SEL1L3: variants seen among roughly 807,000 people sequenced by gnomAD.
The protein encoded by SEL1L3 is protein sel-1 homolog 3.
In SEL1L3, 76 loss-of-function variants were observed where a neutral mutation model predicts 142.8. That is an observed-to-expected ratio of 0.53 (90% CI 0.44 to 0.64). The LOEUF (loss-of-function observed/expected upper bound fraction) is 0.64. SEL1L3 is among the 30% of genes least tolerant of loss of function. SEL1L3 has a pLI of 0.00. For missense variants in SEL1L3, 1,262 were observed against 1,381.7 expected, an observed-to-expected ratio of 0.91 and a Z score of 1.37; for synonymous variants, 504 against 519.6, an observed-to-expected ratio of 0.97 and a Z score of 0.41.
chr4:25,827,520 G>A (rs1715172390), intron 6 of SEL1L3, among the ~76,000 whole-genome samples: 2 of 152,120 alleles, frequency 1.3e-5, no homozygotes, highest in Non-Finnish European at 2.9e-5. Context: ...CTGTGATCTT[G>A]GACCTCTGCC....
chr4:25,726,229 A>T, the SEL1L3 span, among the ~76,000 whole-genome samples: 13 of 18,174 alleles, frequency 7.2e-4, no homozygotes, highest in Non-Finnish European at 2.2e-3. Context: ...ATCTTGGGTT[A>T]AAAAAAAAAA....
chr4:25,860,946 C>T (rs924638116), intron 1 of SEL1L3, among the ~76,000 whole-genome samples: 45 of 152,310 alleles, frequency 3.0e-4, no homozygotes, highest in African/African-American at 1.0e-3. Flanking sequence ...GGAATACTTG[C>T]TCCATCATTA....
chr4:25,786,663 C>T (rs1012827183), intron 13 of SEL1L3, among the ~76,000 whole-genome samples: 4 of 152,190 alleles, frequency 2.6e-5, no homozygotes, highest in Non-Finnish European at 5.9e-5. Flanking sequence ...AGGTCATGGA[C>T]GTGACTCATG....
chr4:25,722,518 A>G, the SEL1L3 span, among the ~76,000 whole-genome samples: 1 of 152,150 alleles, frequency 6.6e-6, no homozygotes, highest in African/African-American at 2.4e-5. Context: ...GCGCAAAGTC[A>G]GACATAACCA....
chr4:25,802,000 C>T (rs1048586047), intron 11 of SEL1L3, among the ~76,000 whole-genome samples: 2 of 152,154 alleles, frequency 1.3e-5, no homozygotes, highest in Non-Finnish European at 2.9e-5. Context: ...TAGGTACACA[C>T]TTTTTTGCAA....
At chr4:25,722,623 G>A in the SEL1L3 span, among the ~76,000 whole-genome samples, 1 of 125,124 alleles carries the variant, frequency 8.0e-6, no homozygotes, top group Non-Finnish European at 1.5e-5. Context: ...TCCAAAGGAG[G>A]CTTTTTTTTT....
the SEL1L3 span, among the ~76,000 whole-genome samples, chr4:25,714,488 CTCTTTCTTTCTTTTTCTTTCTTTCTT>C: frequency 0.011 from 1,509 of 138,254 alleles, 16 homozygotes; most frequent in African/African-American, 0.023. Flanking sequence ...TTCTTTCTTT[CTCTTTCTTTCTTTTTCTTTCTTTCTT>C]TCTTTCTTTC....
chr4:25,766,187 C>T (rs1355575534), intron 19 of SEL1L3, among the ~76,000 whole-genome samples: 1 of 152,086 alleles, frequency 6.6e-6, no homozygotes, highest in African/African-American at 2.4e-5. Flanking sequence ...ACCTGTAATT[C>T]CAGCACTTTT....
At chr4:25,818,374 T>G in intron 8 of SEL1L3, 96 bp from the exon 9 acceptor site, 2 of 1,081,954 alleles carry the variant, frequency 1.8e-6, no homozygotes, top group African/African-American at 3.6e-5. Flanking sequence ...CTAGAAAGAC[T>G]TGCCATTACT....
downstream of SEL1L3, among the ~76,000 whole-genome samples, chr4:25,746,477 C>T (rs1489832796): frequency 7.8e-6 from 1 of 128,268 alleles, no homozygotes; most frequent in Non-Finnish European, 1.6e-5. Context: ...CCACTGCACT[C>T]CAGCCTGGGC....
chr4:25,721,225 T>A, the SEL1L3 span, among the ~76,000 whole-genome samples: 3 of 151,620 alleles, frequency 2.0e-5, no homozygotes, highest in Admixed American at 6.6e-5. Context: ...TTTTTTTTTT[T>A]AATGTCTAGT....
chr4:25,759,520 G>A, intron 20 of SEL1L3: 1 of 158,968 alleles, frequency 6.3e-6, no homozygotes, highest in Non-Finnish European at 1.4e-5. Context: ...CCAAGGCGGT[G>A]CCTCCCTTGC....
rs530654187 is a variant in SEL1L3, at chr4:25,791,144, C to T, written c.1957-570G>A. ...CACATGCAAAATCAAAAAGGCAAAT[C>T]AATATTTTCTAAGTATAACCTTATT... On this transcript the variant is annotated intron_variant, in intron 11 of 23. Transcript: ENST00000399878. 3.3e-5 allele frequency among the ~76,000 whole-genome samples: 5 copies of T among 152,306 alleles called. No individual in the cohort carries two copies. The South Asian group carries it at 1.0e-3, about 32-fold the overall frequency.
At chr4:25,848,905 C>A (rs189946207) in intron 1 of SEL1L3, among the ~76,000 whole-genome samples, 98 of 152,272 alleles carry the variant, frequency 6.4e-4, no homozygotes, top group East Asian at 6.2e-3. Context: ...TTGGGAGGCC[C>A]AGGTGGGTGG....
chr4:25,819,721 A>T, intron 8 of SEL1L3, 87 bp downstream of exon 8: 1 of 1,311,980 alleles, frequency 7.6e-7, no homozygotes, highest in Non-Finnish European at 1.0e-6. Flanking sequence ...ATATATGTTT[A>T]ATTTTAATCC....
At chr4:25,724,755 AAAAAAAAAAAAAAAAAGG>A in the SEL1L3 span, among the ~76,000 whole-genome samples, 1 of 96,808 alleles carries the variant, frequency 1.0e-5, no homozygotes. Context: ...AAAAAAAAAA[AAAAAAAAAAAAAAAAAGG>A]AAAAGAAATT....
downstream of SEL1L3, among the ~76,000 whole-genome samples, chr4:25,744,537 A>G (rs963675816): frequency 1.3e-5 from 2 of 151,970 alleles, no homozygotes; most frequent in African/African-American, 4.8e-5. Context: ...TATTTTTAGT[A>G]GAGACGAGGT....
the SEL1L3 span, among the ~76,000 whole-genome samples, chr4:25,741,069 G>A: frequency 6.6e-5 from 10 of 150,978 alleles, no homozygotes; most frequent in African/African-American, 1.9e-4. Context: ...ATAGACATGA[G>A]CCACTGCACC....
chr4:25,758,876 C>T lies in SEL1L3; in HGVS notation c.3083+65G>A, dbSNP rs190396113. 2.7e-4 allele frequency: 405 copies of T among 1,510,448 alleles called. 1 individual carries two copies. The African/African-American group carries it at 3.0e-3, about 11-fold the overall frequency. The allele number at this position is 1,510,448 out of a possible 1,614,324, so 93.6% of individuals were successfully genotyped here. A position where few individuals can be genotyped will look rare whatever the true frequency, so the allele number is the denominator to read the frequency against. On this transcript the variant is annotated intron_variant, in intron 21 of 23. Transcript: ENST00000399878. ...ATATAAGGGTAAAGCTAACTTTAACCAAGAAGCGAACATCATCTACTTGGG... is the reference window on the plus strand; with the variant it reads ...ATATAAGGGTAAAGCTAACTTTAACTAAGAAGCGAACATCATCTACTTGGG...
Sources: gnomAD v4.1 joint callset for allele counts (sites outside exome capture counted in the v4.1 genomes callset) on GRCh38, gnomAD v4.1.1 for gene constraint, MANE v1.5 for transcripts, NCBI Gene and HGNC (gene_info 2026-07-23, HGNC 2026-07-21) for gene names.